Variants in DOCK1 observed in about 807,000 individuals in gnomAD.
DOCK1 encodes dedicator of cytokinesis protein 1.
DOCK1 carries 138 observed loss-of-function variants against 262.7 expected under a neutral mutation model. The observed-to-expected ratio is 0.53, with a 90% CI of 0.46 to 0.61. The LOEUF is 0.61. Ranked by LOEUF, DOCK1 falls within the 20% of genes least tolerant of loss-of-function variation. The pLI is 0.00. For synonymous variants in DOCK1, 866 were observed against 867.4 expected, an observed-to-expected ratio of 1.00 and a Z score of 0.03; for missense variants, 1,908 against 2,370.7, an observed-to-expected ratio of 0.80 and a Z score of 4.05.
chr10:127,053,891 G>T (rs138070882), intron 22 of DOCK1, among the ~76,000 whole-genome samples: 1,864 of 152,246 alleles, frequency 0.012, 29 homozygotes, highest in African/African-American at 0.034. Flanking sequence ...TTTTTTGGGG[G>T]ATGGCTATTT....
At chr10:127,017,280 CACAG>C (rs2042048183) in intron 12 of DOCK1, among the ~76,000 whole-genome samples, 1 of 151,754 alleles carries the variant, frequency 6.6e-6, no homozygotes, top group Admixed American at 6.6e-5. Context: ...TATAGACACA[CACAG>C]ACACACACAT....
At chr10:127,291,698 C>T (rs919818589) in intron 29 of DOCK1, among the ~76,000 whole-genome samples, 2 of 152,184 alleles carry the variant, frequency 1.3e-5, no homozygotes, top group African/African-American at 2.4e-5. Context: ...TTGCTGATTT[C>T]GCTTCCTTGT....
intron 29 of DOCK1, among the ~76,000 whole-genome samples, chr10:127,260,859 CTG>C (rs1280889172): frequency 5.4e-5 from 4 of 73,588 alleles, no homozygotes; most frequent in African/African-American, 5.7e-5. Context: ...CCGTGCTCAT[CTG>C]TGTGTGTGCA....
chr10:127,443,747 A>G (rs970024266), intron 49 of DOCK1, among the ~76,000 whole-genome samples: 1 of 152,106 alleles, frequency 6.6e-6, no homozygotes, highest in African/African-American at 2.4e-5. Flanking sequence ...GTAGCTAGTT[A>G]CATTGTCACA....
chr10:127,136,907 G>A (rs1030624681), intron 27 of DOCK1: 1 of 152,566 alleles, frequency 6.6e-6, no homozygotes, highest in Non-Finnish European at 1.5e-5. Flanking sequence ...GTGTCTCGGA[G>A]GATCGATCCA....
Position 127,176,031 on chromosome 10 carries a change from C to A in DOCK1, c.2847+48267C>A. ...GAGGCTTTTGAGGTTCCCCTTTTTG[C>A]GGTCCAGAGGGAACGTCTGGTAACA... On this transcript the variant is annotated intron_variant, in intron 27 of 51. Coordinates refer to ENST00000623213, the MANE Select transcript of DOCK1 (RefSeq NM_001290223.2). This position sits in a 1 kb window ranked among gnomAD's most constrained non-coding sequence, Gnocchi z 4.4. 1.2e-5 allele frequency: 19 copies of A among 1,614,072 alleles called. No individual in the cohort carries two copies. The highest frequency in any genetic ancestry group is 1.6e-5 in the Non-Finnish European group (19 of 1,180,004).
intron 27 of DOCK1, among the ~76,000 whole-genome samples, chr10:127,202,818 A>G (rs1219132241): frequency 6.6e-6 from 1 of 152,190 alleles, no homozygotes; most frequent in African/African-American, 2.4e-5. Flanking sequence ...TGATCTCTCC[A>G]AGGTCACACA....
At chr10:127,074,412 G>A (rs928882089) in intron 23 of DOCK1, among the ~76,000 whole-genome samples, 1 of 152,128 alleles carries the variant, frequency 6.6e-6, no homozygotes, top group Non-Finnish European at 1.5e-5. Context: ...TTAAATTTGT[G>A]CATTACACTG....
chr10:127,016,560 C>T (rs552009010), intron 12 of DOCK1: 3 of 152,592 alleles, frequency 2.0e-5, no homozygotes, highest in Admixed American at 6.5e-5. Flanking sequence ...TCAGTTCCTT[C>T]CACGCAGGGC....
Position 127,451,619 on chromosome 10 carries a change from T to C in DOCK1, c.*192T>C, listed in dbSNP as rs1349597666. ...CTTTAGCGTCATGGAGCAAGGTGGG[T>C]CTGGGAGGTAGATATGGGTCCGGGA... On this transcript the variant is annotated 3_prime_UTR_variant, in exon 52 of 52. Coordinates refer to ENST00000623213, the MANE Select transcript of DOCK1 (RefSeq NM_001290223.2). The C allele has an allele frequency of 2.2e-6, 3 of 1,374,288 alleles. No homozygotes were observed. Among genetic ancestry groups the C allele is most frequent in the South Asian group, 1.5e-5 (1 of 67,516 alleles). 85.1% of individuals were successfully genotyped at this position (1,374,288 alleles called of 1,614,324 possible).
chr10:127,092,121 C>T (rs2047570584), intron 23 of DOCK1, among the ~76,000 whole-genome samples: 1 of 152,172 alleles, frequency 6.6e-6, no homozygotes, highest in Non-Finnish European at 1.5e-5. Flanking sequence ...ACTGTACTGG[C>T]CAGAGCTGCT....
At chr10:127,074,605 TA>T (rs1413851691) in intron 23 of DOCK1, among the ~76,000 whole-genome samples, 2 of 152,180 alleles carry the variant, frequency 1.3e-5, no homozygotes, top group African/African-American at 4.8e-5. Context: ...AAAGGGGCTA[TA>T]AAAAGTGTAT....
intron 29 of DOCK1, among the ~76,000 whole-genome samples, chr10:127,282,397 G>A (rs547911243): frequency 1.6e-4 from 24 of 152,258 alleles, no homozygotes; most frequent in Middle Eastern, 3.4e-3. Flanking sequence ...TTGCATCTCC[G>A]AGGTCCTGTG....
In DOCK1 at chr10:126,981,898, T is replaced by G. The variant is rs751277749; in HGVS notation, c.172-20T>G. 3.1e-5 allele frequency: 47 copies of G among 1,511,580 alleles called. No individual in the cohort carries two copies. Among genetic ancestry groups the G allele is most frequent in the Non-Finnish European group, 3.8e-5 (42 of 1,116,320 alleles). The allele number at this position is 1,511,580 out of a possible 1,614,324, so 93.6% of individuals were successfully genotyped here. A position where few individuals can be genotyped will look rare whatever the true frequency, so the allele number is the denominator to read the frequency against. ...ATCCTATTGATAATAAAAGCTACTG[T>G]TTTTTTTTTCCTCCCAAAGGGTATA... On this transcript the variant is annotated intron_variant, in intron 3 of 51. Transcript: ENST00000623213.
intron 1 of DOCK1, among the ~76,000 whole-genome samples, chr10:126,915,673 G>C (rs1010379782): frequency 1.3e-5 from 2 of 152,126 alleles, no homozygotes; most frequent in African/African-American, 2.4e-5. Context: ...GGATGGTCTC[G>C]ATCTCCTGAC....
At chr10:127,071,609 A>G (rs2046239348) in intron 23 of DOCK1, among the ~76,000 whole-genome samples, 1 of 152,136 alleles carries the variant, frequency 6.6e-6, no homozygotes, top group Admixed American at 6.5e-5. Flanking sequence ...ATTTTATCAC[A>G]ACACCTTTCC....
At chr10:127,121,482 T>A (rs1485245745) in intron 25 of DOCK1, among the ~76,000 whole-genome samples, 2 of 152,104 alleles carry the variant, frequency 1.3e-5, no homozygotes, top group Non-Finnish European at 2.9e-5. Context: ...TGTGTCTATC[T>A]GTCCGTCTGT....
intron 12 of DOCK1, among the ~76,000 whole-genome samples, chr10:127,014,215 G>A (rs1396064307): frequency 1.3e-5 from 2 of 152,246 alleles, no homozygotes; most frequent in African/African-American, 4.8e-5. Flanking sequence ...ACCCAGAGGT[G>A]TGGGACATTT....
At chr10:126,934,409 T>C in intron 1 of DOCK1, among the ~76,000 whole-genome samples, 1 of 152,360 alleles carries the variant, frequency 6.6e-6, no homozygotes, top group East Asian at 1.9e-4. Context: ...TGGGGCTCTG[T>C]TGCAGGCTCC....
Sources: allele counts gnomAD v4.1 joint callset (sites outside exome capture counted in the v4.1 genomes callset), GRCh38; gene constraint gnomAD v4.1.1; non-coding constraint Gnocchi (gnomAD v3.1); transcripts MANE v1.5; gene names NCBI Gene and HGNC (gene_info 2026-07-23, HGNC 2026-07-21).